The following KLF12 variants were observed in gnomAD, a reference collection of about 807,000 sequenced individuals.
KLF12 encodes KLF transcription factor 12.
KLF12 carries 9 observed loss-of-function variants against 37.8 expected under a neutral mutation model. The observed-to-expected ratio is 0.24, with a 90% confidence interval of 0.14 to 0.42. The LOEUF is 0.42. Ranked by LOEUF, KLF12 falls within the 10% of genes least tolerant of loss-of-function variation. KLF12 has a pLI of 1.00. For synonymous variants in KLF12, 208 were observed against 202.1 expected, an observed-to-expected ratio of 1.03 and a Z score of -0.25; for missense variants, 411 against 516.0, an observed-to-expected ratio of 0.80 and a Z score of 1.97.
intron 3 of KLF12, among the ~76,000 whole-genome samples, chr13:73,887,418 C>A (rs993881610): frequency 6.6e-6 from 1 of 152,084 alleles, no homozygotes; most frequent in Non-Finnish European, 1.5e-5. Context: ...TGTGTTCTTG[C>A]CATGAGTTCA....
At chr13:73,883,121 C>T (rs1274175422) in intron 3 of KLF12, among the ~76,000 whole-genome samples, 1 of 150,222 alleles carries the variant, frequency 6.7e-6, no homozygotes, top group Admixed American at 6.6e-5. Flanking sequence ...TATTGTCCCC[C>T]TCTTTTTAAA....
chr13:74,235,335 G>C, the KLF12 span, among the ~76,000 whole-genome samples: 1 of 152,152 alleles, frequency 6.6e-6, no homozygotes, highest in Non-Finnish European at 1.5e-5. Context: ...TGTGTCAAGA[G>C]TTTATCTAAG....
At chr13:74,299,609 C>CT in the KLF12 span, among the ~76,000 whole-genome samples, 1 of 152,214 alleles carries the variant, frequency 6.6e-6, no homozygotes, top group South Asian at 2.1e-4. Flanking sequence ...ACTTTCCCCC[C>CT]TTTTTATAAA....
the KLF12 span, among the ~76,000 whole-genome samples, chr13:74,174,807 T>A: frequency 6.6e-6 from 1 of 152,250 alleles, no homozygotes; most frequent in African/African-American, 2.4e-5. Flanking sequence ...GGTTCAAACA[T>A]CTGCATCAGT....
the KLF12 span, among the ~76,000 whole-genome samples, chr13:74,276,395 G>A: frequency 4.6e-5 from 7 of 152,000 alleles, no homozygotes; most frequent in African/African-American, 9.7e-5. Flanking sequence ...ATTGTAATAC[G>A]ATCAAATTTT....
chr13:73,792,206 C>T (rs1017238398), intron 5 of KLF12, among the ~76,000 whole-genome samples: 15 of 152,136 alleles, frequency 9.9e-5, no homozygotes. Context: ...ATACTCACGT[C>T]TTAGAGGAAA....
rs562333516 is a variant in KLF12 at position 74,094,919 on chromosome 13, A to G, written c.-32+38820T>C. Among the ~76,000 whole-genome samples, 7 of 152,206 alleles carry G rather than the reference A, an allele frequency of 4.6e-5. No individual in the cohort carries two copies. The South Asian group carries it at 8.3e-4, about 18-fold the overall frequency. ...CTGGCCTCTTTTATATCCATCTTTC[A>G]TTTGTAAAGCATTTTTGAAACTACA... On this transcript the variant is annotated intron_variant, in intron 1 of 7. Coordinates refer to ENST00000377669, the MANE Select transcript of KLF12 (RefSeq NM_007249.5).
the KLF12 span, among the ~76,000 whole-genome samples, chr13:74,170,793 C>A: frequency 6.6e-6 from 1 of 152,156 alleles, no homozygotes; most frequent in South Asian, 2.1e-4. Context: ...GAGACGGAGT[C>A]TCACTCTGTC....
At chr13:74,080,174 C>T (rs1209055415) in intron 1 of KLF12, among the ~76,000 whole-genome samples, 1 of 151,780 alleles carries the variant, frequency 6.6e-6, no homozygotes, top group Non-Finnish European at 1.5e-5. Context: ...TGTGGTGGCT[C>T]ATGCCTTATC....
intron 2 of KLF12, among the ~76,000 whole-genome samples, chr13:73,978,487 ACT>A (rs1472300811): frequency 6.6e-6 from 1 of 152,102 alleles, no homozygotes; most frequent in Admixed American, 6.5e-5. Context: ...AGCAACAAGG[ACT>A]CTCACTCATT....
the KLF12 span, among the ~76,000 whole-genome samples, chr13:74,148,468 T>G: frequency 3.2e-5 from 4 of 125,278 alleles, no homozygotes; most frequent in Non-Finnish European, 1.6e-5. Flanking sequence ...TGGAAACAAA[T>G]TCAGTAAGAC....
rs201456420 is a variant in KLF12, at chr13:73,987,715, TG to T, written c.33+7274del. Reference sequence around the variant, plus strand: ...AAGAAGTGGGAGAGGAGAGAGAAAGTGGGGGGGTAGAGGAAGTGGGAGGAAA... The same window carrying T: ...AAGAAGTGGGAGAGGAGAGAGAAAGTGGGGGGTAGAGGAAGTGGGAGGAAA... On this transcript the variant is annotated intron_variant, in intron 2 of 7. Transcript: ENST00000377669. 8.5e-3 allele frequency among the ~76,000 whole-genome samples: 409 copies of T among 48,220 alleles called. 9 individuals carry two copies. The highest frequency in any genetic ancestry group is 8.2e-3 in the Non-Finnish European group (210 of 25,568). The allele number at this position is 48,220 out of a possible 152,430, so 31.6% of individuals were successfully genotyped here.
intron 2 of KLF12, among the ~76,000 whole-genome samples, chr13:73,951,388 T>C (rs1349481497): frequency 6.6e-6 from 1 of 152,204 alleles, no homozygotes; most frequent in East Asian, 1.9e-4. Flanking sequence ...ATTATTAAAG[T>C]TTGGAGAGAT....
intron 1 of KLF12, among the ~76,000 whole-genome samples, chr13:74,024,448 C>G (rs879861571): frequency 1.3e-5 from 2 of 152,170 alleles, no homozygotes; most frequent in Non-Finnish European, 2.9e-5. Context: ...ATCATTCTGT[C>G]ATGCTCAAGA....
rs1032774076 is a variant in KLF12 at position 74,051,315 on chromosome 13, G to A, written c.-31-56262C>T. On this transcript the variant is annotated intron_variant, in intron 1 of 7. Transcript: ENST00000377669. ...CAATGGATGAATGGATAAAGAAAAT[G>A]TGGTGTGTGTATACATACACACACA... Among the ~76,000 whole-genome samples, 63 of 144,304 alleles carry A rather than the reference G, an allele frequency of 4.4e-4. 2 individuals carry two copies. Among genetic ancestry groups the A allele is most frequent in the Admixed American group, 6.5e-4 (9 of 13,866 alleles). The allele number at this position is 144,304 out of a possible 152,430, so 94.7% of individuals were successfully genotyped here. A position where few individuals can be genotyped will look rare whatever the true frequency, so the allele number is the denominator to read the frequency against.
intron 3 of KLF12, among the ~76,000 whole-genome samples, chr13:73,860,518 C>T (rs933246927): frequency 3.3e-5 from 5 of 151,982 alleles, no homozygotes; most frequent in African/African-American, 9.7e-5. Flanking sequence ...AAGGGTTGCT[C>T]GAGCTCAGGA....
chr13:74,299,056 A>G, the KLF12 span, among the ~76,000 whole-genome samples: 1 of 152,342 alleles, frequency 6.6e-6, no homozygotes, highest in South Asian at 2.1e-4. Flanking sequence ...TCTGAAGGAA[A>G]TGCGGGTGCC....
At chr13:74,198,023 GAAAA>G in the KLF12 span, among the ~76,000 whole-genome samples, 1 of 150,706 alleles carries the variant, frequency 6.6e-6, no homozygotes, top group African/African-American at 2.4e-5. Flanking sequence ...GGAGAGAAGA[GAAAA>G]AAAGAAAGAA....
At chr13:73,984,706 T>A (rs1566493612) in intron 2 of KLF12, among the ~76,000 whole-genome samples, 1 of 152,220 alleles carries the variant, frequency 6.6e-6, no homozygotes, top group African/African-American at 2.4e-5. Flanking sequence ...ATTCGGCACC[T>A]TTCCCCTCAT....
Sources: gnomAD v4.1 joint callset for allele counts (sites outside exome capture counted in the v4.1 genomes callset) on GRCh38, gnomAD v4.1.1 for gene constraint, MANE v1.5 for transcripts, NCBI Gene and HGNC (gene_info 2026-07-23, HGNC 2026-07-21) for gene names.